Variants in SPTLC3 observed in about 807,000 individuals in gnomAD.
The protein encoded by SPTLC3 is serine palmitoyltransferase 3.
SPTLC3 carries 36 observed loss-of-function variants against 59.3 expected under a neutral mutation model. The observed-to-expected ratio is 0.61, with a 90% CI of 0.47 to 0.80. SPTLC3 has a LOEUF of 0.80. Among genes scored for constraint, SPTLC3 ranks in the 30% least tolerant of loss-of-function variants. The pLI is 0.00. For synonymous variants in SPTLC3, 257 were observed against 240.8 expected (o/e 1.07, Z -0.62); for missense variants, 625 against 685.1 (o/e 0.91, Z 0.98).
chr20:13,067,883 C>A (rs1988285551), intron 2 of SPTLC3, among the ~76,000 whole-genome samples: 1 of 152,184 alleles, frequency 6.6e-6, no homozygotes, highest in Non-Finnish European at 1.5e-5. Context: ...AAATGAATAA[C>A]ATTGTGTTTG....
At chr20:13,057,536 T>C (rs1987778388) in intron 2 of SPTLC3, among the ~76,000 whole-genome samples, 1 of 152,186 alleles carries the variant, frequency 6.6e-6, no homozygotes, top group Admixed American at 6.5e-5. Flanking sequence ...TATTTCTAAC[T>C]CAAATATTCT....
intron 1 of SPTLC3, among the ~76,000 whole-genome samples, chr20:13,046,515 G>A (rs1987239323): frequency 6.6e-6 from 1 of 152,138 alleles, no homozygotes; most frequent in South Asian, 2.1e-4. Context: ...ATGAGACTCT[G>A]AGTCCCTTTT....
At position 13,074,340 on chromosome 20, in the gene SPTLC3, TC is replaced by T; in HGVS notation, c.459-5del. 6.2e-7 allele frequency: 1 copy of T among 1,613,206 alleles called. No homozygotes were observed. The highest frequency in any genetic ancestry group is 8.5e-7 in the Non-Finnish European group (1 of 1,179,554). On this transcript the variant is annotated splice_polypyrimidine_tract_variant and splice_region_variant and intron_variant, in intron 3 of 11. Transcript: ENST00000399002. ...GGGATTATGTGCTCATTTACATGTT[TC>T]CCCACAGGTTTACTGGAAGAGTCAT... is the stretch of plus-strand genomic sequence containing the variant.
intron 9 of SPTLC3, among the ~76,000 whole-genome samples, chr20:13,147,988 T>C (rs1229637622): frequency 6.6e-6 from 1 of 152,186 alleles, no homozygotes; most frequent in African/African-American, 2.4e-5. Context: ...CACAAACTCG[T>C]CAACCCCATC....
intron 6 of SPTLC3, among the ~76,000 whole-genome samples, chr20:13,107,122 G>T (rs1188090323): frequency 6.6e-6 from 1 of 152,102 alleles, no homozygotes; most frequent in Non-Finnish European, 1.5e-5. Context: ...TTGCGTTATG[G>T]GTTCCAGACC....
At chr20:13,031,909 G>A (rs778434032) in intron 1 of SPTLC3, among the ~76,000 whole-genome samples, 6 of 152,094 alleles carry the variant, frequency 3.9e-5, no homozygotes, top group South Asian at 4.1e-4. Context: ...GTCTTTTCCC[G>A]CTTCATAACC....
intron 2 of SPTLC3, among the ~76,000 whole-genome samples, chr20:13,071,917 G>A (rs1988452637): frequency 6.6e-6 from 1 of 152,158 alleles, no homozygotes; most frequent in Non-Finnish European, 1.5e-5. Context: ...GAAATCACAT[G>A]ATCATCTCAA....
intron 4 of SPTLC3, among the ~76,000 whole-genome samples, chr20:13,089,674 T>C (rs1300080560): frequency 6.6e-6 from 1 of 151,520 alleles, no homozygotes; most frequent in Non-Finnish European, 1.5e-5. Flanking sequence ...CAGTCCCAGC[T>C]ACTTGGGAGG....
intron 2 of SPTLC3, among the ~76,000 whole-genome samples, chr20:13,062,448 T>C (rs900325899): frequency 6.6e-6 from 1 of 152,240 alleles, no homozygotes; most frequent in Non-Finnish European, 1.5e-5. Flanking sequence ...ATGTACAAGA[T>C]ATATATTTTT....
chr20:13,016,611 A>G (rs1985539512), intron 1 of SPTLC3, among the ~76,000 whole-genome samples: 1 of 152,184 alleles, frequency 6.6e-6, no homozygotes, highest in African/African-American at 2.4e-5. Context: ...GATATTATCT[A>G]CTTTCTATGA....
rs1350669566 is a variant in SPTLC3 at position 13,168,218 on chromosome 20, T to C, written c.*3351T>C. Reference sequence around the variant, plus strand: ...TTTTTGAGACAGAGTTTTGTTCTTCTTGTTGCCCAGGCTATAGTGCAATGG... The same window carrying C: ...TTTTTGAGACAGAGTTTTGTTCTTCCTGTTGCCCAGGCTATAGTGCAATGG... On this transcript the variant is annotated 3_prime_UTR_variant, in exon 12 of 12. Coordinates refer to ENST00000399002, the MANE Select transcript of SPTLC3 (RefSeq NM_018327.4). The C allele has an allele frequency of 1.3e-5, 2 of 151,534 alleles. No homozygotes were observed. The highest frequency in any genetic ancestry group is 4.9e-5 in the African/African-American group (2 of 41,224). The allele number at this position is 151,534 out of a possible 1,614,324, so 9.4% of individuals were successfully genotyped here.
chr20:13,133,284 A>G (rs1448606259), intron 9 of SPTLC3, among the ~76,000 whole-genome samples: 3 of 152,176 alleles, frequency 2.0e-5, no homozygotes, highest in African/African-American at 4.8e-5. Flanking sequence ...AGATTTCTGC[A>G]TGACATGCTT....
chr20:13,154,968 G>A (rs112025611), intron 10 of SPTLC3, among the ~76,000 whole-genome samples: 2 of 152,006 alleles, frequency 1.3e-5, no homozygotes, highest in African/African-American at 4.8e-5. Flanking sequence ...ATCACCTGAG[G>A]TCAGGAGTTC....
At chr20:13,110,053 T>C (rs1248174339) in intron 6 of SPTLC3, 59 bp from the exon 7 acceptor site, 5 of 1,424,608 alleles carry the variant, frequency 3.5e-6, no homozygotes, top group East Asian at 2.3e-5. Context: ...AAAAAGAAAG[T>C]GGAAAAGGAA....
In SPTLC3 at chr20:13,072,278, A is replaced by C. The variant is rs1230916982; in HGVS notation, c.326A>C (p.Asp109Ala). Residue 109 changes from aspartate (D) to alanine (A), a missense_variant, in exon 3 of 12, where the codon GAC (aspartate) becomes GCC (alanine). By Grantham distance (126) the Asp-to-Ala change is moderately radical (BLOSUM62 -2). Coordinates refer to ENST00000399002, the MANE Select transcript of SPTLC3 (RefSeq NM_018327.4). ...CAGGATTTTGTGCCACTGTATCAAGACTTTGAAAATTTTTATACAAGAAAC... is the reference window on the plus strand; with the variant it reads ...CAGGATTTTGTGCCACTGTATCAAGCCTTTGAAAATTTTTATACAAGAAAC... ...EQKDFVPLYQDFENFYTRNLY... is the reference protein window; with the variant it reads ...EQKDFVPLYQAFENFYTRNLY... 4.3e-6 allele frequency: 7 copies of C among 1,613,460 alleles called. No individual in the cohort carries two copies. Among genetic ancestry groups the C allele is most frequent in the Non-Finnish European group, 5.9e-6 (7 of 1,179,796 alleles).
At chr20:13,135,138 C>T (rs1600355078) in intron 9 of SPTLC3, among the ~76,000 whole-genome samples, 2 of 152,302 alleles carry the variant, frequency 1.3e-5, no homozygotes, top group Middle Eastern at 6.8e-3. Context: ...CCAATAACTG[C>T]TATCCCTTAG....
intron 3 of SPTLC3, 109 bp downstream of exon 3, chr20:13,072,519 T>A: frequency 8.1e-7 from 1 of 1,235,132 alleles, no homozygotes. Context: ...AAGCCATTGG[T>A]TTTGTATCAT....
intron 2 of SPTLC3, among the ~76,000 whole-genome samples, chr20:13,066,843 C>T (rs1032260274): frequency 9.9e-5 from 15 of 151,170 alleles, no homozygotes; most frequent in Admixed American, 7.9e-4. Flanking sequence ...GATGTTTGTT[C>T]TTCTGAATCT....
At chr20:13,025,696 A>G (rs182527624) in intron 1 of SPTLC3, among the ~76,000 whole-genome samples, 10 of 152,238 alleles carry the variant, frequency 6.6e-5, no homozygotes, top group African/African-American at 2.4e-4. Context: ...ATATGACAAG[A>G]GGTTGCATAT....
Sources: allele counts gnomAD v4.1 joint callset (sites outside exome capture counted in the v4.1 genomes callset), GRCh38; gene constraint gnomAD v4.1.1; transcripts MANE v1.5; gene names NCBI Gene and HGNC (gene_info 2026-07-23, HGNC 2026-07-21).